Variants in MTUS2 observed in about 807,000 individuals in gnomAD.
MTUS2 encodes microtubule associated scaffold protein 2, also known as microtubule-associated tumor suppressor candidate 2.
Under a neutral mutation model 114.1 loss-of-function variants are expected in MTUS2, and 40 were observed. The ratio of observed to expected loss-of-function variants is 0.35; its 90% CI spans 0.27 to 0.46. MTUS2 has a LOEUF of 0.46. Ranked by LOEUF, MTUS2 falls within the 20% of genes least tolerant of loss-of-function variation. MTUS2 has a pLI of 1.00. For synonymous variants in MTUS2, 688 were observed against 672.0 expected (o/e 1.02, Z -0.37); for missense variants, 1,679 against 1,705.4 (o/e 0.98, Z 0.27).
chr13:29,442,616 T>C (rs547094238), intron 9 of MTUS2, among the ~76,000 whole-genome samples: 2 of 26,512 alleles, frequency 7.5e-5, no homozygotes, highest in Admixed American at 7.7e-4. Context: ...GTCAAAACTC[T>C]GAATCCCCCA....
At chr13:28,885,547 G>C (rs775117952) in intron 2 of MTUS2, among the ~76,000 whole-genome samples, 3 of 152,182 alleles carry the variant, frequency 2.0e-5, no homozygotes, top group Non-Finnish European at 4.4e-5. Context: ...TTTTGGAGAG[G>C]CATCAAAGTA....
At chr13:29,190,041 G>A (rs1894383900) in intron 5 of MTUS2, among the ~76,000 whole-genome samples, 1 of 152,166 alleles carries the variant, frequency 6.6e-6, no homozygotes, top group African/African-American at 2.4e-5. Context: ...TGGCTAGGCT[G>A]TCTGCCAGCA....
chr13:29,106,016 A>T lies in MTUS2; in HGVS notation c.2644+5046A>T, dbSNP rs897676736. Among the ~76,000 whole-genome samples the T allele has an allele frequency of 2.0e-5, 3 of 152,108 alleles. No homozygotes were observed. The South Asian group carries it at 6.2e-4, about 32-fold the overall frequency. On this transcript the variant is annotated intron_variant, in intron 5 of 15. Coordinates refer to ENST00000612955, the MANE Select transcript of MTUS2 (RefSeq NM_001033602.4). ...TTTGTCTCCTGGGTGCTAAGCCTAC[A>T]TATTTGAGCTCCCCAAGATTTGTTC... is the stretch of plus-strand genomic sequence containing the variant.
rs149450045 is a variant in MTUS2 at position 29,204,254 on chromosome 13, G to A, written c.2645-77450G>A. Among the ~76,000 whole-genome samples the A allele has an allele frequency of 2.5e-3, 378 of 152,278 alleles. 3 individuals carry two copies. Among genetic ancestry groups the A allele is most frequent in the African/African-American group, 8.5e-3 (354 of 41,548 alleles). On this transcript the variant is annotated intron_variant, in intron 5 of 15. Transcript: ENST00000612955. ...ATTACAGGCATTAACCACCATGCCCGGCCATGACTGGAGCTGCTTCTATTC... is the reference window on the plus strand; with the variant it reads ...ATTACAGGCATTAACCACCATGCCCAGCCATGACTGGAGCTGCTTCTATTC...
At chr13:29,212,795 G>C (rs1365001430) in intron 5 of MTUS2, among the ~76,000 whole-genome samples, 1 of 152,242 alleles carries the variant, frequency 6.6e-6, no homozygotes, top group African/African-American at 2.4e-5. Context: ...TTGATACCTG[G>C]ATGCATTCAC....
chr13:29,317,986 C>T (rs912043634), intron 6 of MTUS2, among the ~76,000 whole-genome samples: 1 of 152,146 alleles, frequency 6.6e-6, no homozygotes, highest in African/African-American at 2.4e-5. Context: ...CTTTGCTTTT[C>T]CCTCTTCTTG....
In MTUS2 at chr13:29,503,839, C is replaced by A. The variant is rs540056881; in HGVS notation, c.*633C>A. 12 of 234,178 alleles carry A rather than the reference C, an allele frequency of 5.1e-5. No homozygotes were observed. The highest frequency in any genetic ancestry group is 1.0e-4 in the Non-Finnish European group (12 of 118,474). The allele number at this position is 234,178 out of a possible 1,614,324, so 14.5% of individuals were successfully genotyped here. The stretch of plus-strand genomic sequence containing the variant: ...CCAGCTATTTGTGAACGGTAACTGC[C>A]TTTGGAACAATCAGCTTCTCAGTCA... On this transcript the variant is annotated 3_prime_UTR_variant, in exon 16 of 16. Coordinates refer to ENST00000612955, the MANE Select transcript of MTUS2 (RefSeq NM_001033602.4).
intron 2 of MTUS2, among the ~76,000 whole-genome samples, chr13:28,897,365 G>T (rs1879342752): frequency 6.6e-6 from 1 of 152,208 alleles, no homozygotes; most frequent in East Asian, 1.9e-4. Context: ...GCTCACACCA[G>T]TTAGAATGGC....
At chr13:29,182,489 C>A (rs999863672) in intron 5 of MTUS2, among the ~76,000 whole-genome samples, 7 of 152,224 alleles carry the variant, frequency 4.6e-5, no homozygotes, top group Non-Finnish European at 1.0e-4. Context: ...TCAATCATTT[C>A]CTCCTCTGCA....
intron 5 of MTUS2, among the ~76,000 whole-genome samples, chr13:29,253,622 G>T (rs1897200390): frequency 6.6e-6 from 1 of 152,036 alleles, no homozygotes; most frequent in South Asian, 2.1e-4. Flanking sequence ...GAATAAAATA[G>T]ACAGAATTCC....
Position 29,058,440 on chromosome 13 carries a change from C to A in MTUS2, c.2446+24315C>A, listed in dbSNP as rs138077212. Among the ~76,000 whole-genome samples, 824 of 151,942 alleles carry A rather than the reference C, an allele frequency of 5.4e-3. 2 individuals carry two copies. Among genetic ancestry groups the A allele is most frequent in the Non-Finnish European group, 8.4e-3 (574 of 67,938 alleles). ...GTGAGTTATAGATTTGGTCTCTTTA[C>A]ACAGTTTCACATTTCTTGGAGGTTT... On this transcript the variant is annotated intron_variant, in intron 4 of 15. Transcript: ENST00000612955.
At chr13:29,384,138 G>C (rs1032399150) in intron 8 of MTUS2, among the ~76,000 whole-genome samples, 10 of 152,196 alleles carry the variant, frequency 6.6e-5, no homozygotes, top group Non-Finnish European at 7.3e-5. Flanking sequence ...CTATTTCTGT[G>C]AATATATCTG....
chr13:29,495,921 T>C (rs542907037), intron 12 of MTUS2, among the ~76,000 whole-genome samples: 2 of 151,996 alleles, frequency 1.3e-5, no homozygotes, highest in African/African-American at 4.8e-5. Flanking sequence ...TATATGTGTG[T>C]GTGTGTGTGT....
intron 2 of MTUS2, among the ~76,000 whole-genome samples, chr13:29,022,095 A>G (rs554727317): frequency 6.6e-6 from 1 of 152,314 alleles, no homozygotes; most frequent in Non-Finnish European, 1.5e-5. Flanking sequence ...GATCATGCAA[A>G]CATGGGGAAA....
At chr13:29,489,738 C>G (rs1164521873) in intron 11 of MTUS2, 1 of 152,086 alleles carries the variant, frequency 6.6e-6, no homozygotes, top group Non-Finnish European at 1.5e-5. Flanking sequence ...TGTTAAACAC[C>G]GTATTAAGCG....
intron 2 of MTUS2, among the ~76,000 whole-genome samples, chr13:28,869,025 C>T (rs1431750470): frequency 6.6e-6 from 1 of 152,176 alleles, no homozygotes; most frequent in Non-Finnish European, 1.5e-5. Flanking sequence ...TAACTTGTAT[C>T]CAGAGCATTG....
chr13:29,492,001 GTA>G (rs927397158), intron 11 of MTUS2, among the ~76,000 whole-genome samples: 2 of 123,450 alleles, frequency 1.6e-5, no homozygotes, highest in African/African-American at 6.4e-5. Flanking sequence ...TGTATGGTGT[GTA>G]TGTGAATGTG....
intron 5 of MTUS2, among the ~76,000 whole-genome samples, chr13:29,241,145 A>G (rs1896716131): frequency 1.3e-5 from 2 of 152,222 alleles, no homozygotes; most frequent in Non-Finnish European, 2.9e-5. Context: ...AACAGAGTTG[A>G]AAGAGCCCCA....
chr13:29,358,956 G>GAAAAA (rs34048029), intron 7 of MTUS2, among the ~76,000 whole-genome samples: 14 of 139,590 alleles, frequency 1.0e-4, no homozygotes, highest in Non-Finnish European at 1.1e-4. Flanking sequence ...TCTCCTTTAA[G>GAAAAA]AAAAAAAAAA....
Sources: gnomAD v4.1 joint callset for allele counts (sites outside exome capture counted in the v4.1 genomes callset) on GRCh38, gnomAD v4.1.1 for gene constraint, MANE v1.5 for transcripts, NCBI Gene and HGNC (gene_info 2026-07-23, HGNC 2026-07-21) for gene names.